LMO1: variants seen among roughly 807,000 people sequenced by gnomAD.
LMO1 encodes rhombotin-1.
A neutral mutation model predicts 18.0 loss-of-function variants in LMO1; 10 were observed. The observed-to-expected ratio is 0.55, with a 90% confidence interval of 0.34 to 0.94. The LOEUF (loss-of-function observed/expected upper bound fraction) is 0.94. Ranked by LOEUF, LMO1 falls within the 40% of genes least tolerant of loss-of-function variation. The probability of loss-of-function intolerance (pLI) is 0.02; values close to 1 mark genes in which losing one functional copy is unlikely to be tolerated. For missense variants in LMO1, 183 were observed against 205.7 expected (o/e 0.89, Z 0.68); for synonymous variants, 77 against 77.9 (o/e 0.99, Z 0.06).
chr11:8,268,417 G>T (rs1206798048), upstream of LMO1: 4 of 1,469,112 alleles, frequency 2.7e-6, no homozygotes, highest in Admixed American at 9.4e-5. Flanking sequence ...ACCGGGCGCC[G>T]GGCACCTACC....
At chr11:8,225,299 G>A (rs1341313009) in intron 3 of LMO1, among the ~76,000 whole-genome samples, 1 of 151,054 alleles carries the variant, frequency 6.6e-6, no homozygotes, top group African/African-American at 2.4e-5. Flanking sequence ...CCATCTACTC[G>A]GGAGGCTGAG....
At chr11:8,239,151 G>C (rs1952811109) in intron 1 of LMO1, among the ~76,000 whole-genome samples, 1 of 152,242 alleles carries the variant, frequency 6.6e-6, no homozygotes, top group Non-Finnish European at 1.5e-5. Context: ...TCAGAATCCA[G>C]AGTTCAAGTT....
chr11:8,229,599 C>T (rs1952615558), intron 2 of LMO1, among the ~76,000 whole-genome samples: 2 of 152,186 alleles, frequency 1.3e-5, no homozygotes, highest in Non-Finnish European at 2.9e-5. Flanking sequence ...GAGGTGGCCC[C>T]AGGGAATAGG....
At chr11:8,231,763 C>A (rs1023108455) in intron 1 of LMO1, among the ~76,000 whole-genome samples, 1 of 152,122 alleles carries the variant, frequency 6.6e-6, no homozygotes, top group African/African-American at 2.4e-5. Flanking sequence ...AGGGCTCTGG[C>A]CTTCCTCCCA....
chr11:8,236,668 G>A (rs1952766028), intron 1 of LMO1, among the ~76,000 whole-genome samples: 1 of 152,094 alleles, frequency 6.6e-6, no homozygotes, highest in Non-Finnish European at 1.5e-5. Context: ...CACATGCACA[G>A]CAGCACACAG....
intron 1 of LMO1, among the ~76,000 whole-genome samples, chr11:8,257,946 TC>T: frequency 6.6e-6 from 1 of 152,338 alleles, no homozygotes; most frequent in East Asian, 1.9e-4. Flanking sequence ...TTCTGGCTTA[TC>T]AAATGTGTAC....
chr11:8,224,565 G>T lies in LMO1; in HGVS notation c.*51C>A. On this transcript the variant is annotated 3_prime_UTR_variant, in exon 4 of 4. Coordinates refer to ENST00000335790, the MANE Select transcript of LMO1 (RefSeq NM_002315.3). The stretch of plus-strand genomic sequence containing the variant: ...AGTGGCTGGCTGGCCGGCCAGGCAG[G>T]TGGGCAGGCGGGCAGATGGACAGAC... 8.4e-7 allele frequency: 1 copy of T among 1,188,696 alleles called. No homozygotes were observed. Among genetic ancestry groups the T allele is most frequent in the Non-Finnish European group, 1.2e-6 (1 of 821,488 alleles). The allele number at this position is 1,188,696 out of a possible 1,614,324, so 73.6% of individuals were successfully genotyped here. A position where few individuals can be genotyped will look rare whatever the true frequency, so the allele number is the denominator to read the frequency against.
intron 1 of LMO1, among the ~76,000 whole-genome samples, chr11:8,247,306 C>T (rs972843327): frequency 6.6e-6 from 1 of 152,170 alleles, no homozygotes; most frequent in Non-Finnish European, 1.5e-5. Flanking sequence ...GCTGCCCTCT[C>T]CCAGGGCCTG....
chr11:8,226,067 C>T (rs989880187), intron 3 of LMO1, among the ~76,000 whole-genome samples: 1 of 152,190 alleles, frequency 6.6e-6, no homozygotes, highest in Non-Finnish European at 1.5e-5. Context: ...AGAGAGTGGC[C>T]ACTCCCTGAG....
intron 1 of LMO1, among the ~76,000 whole-genome samples, chr11:8,257,343 G>A (rs1239531816): frequency 2.6e-5 from 4 of 152,202 alleles, no homozygotes; most frequent in Non-Finnish European, 5.9e-5. Context: ...TGGGACACAT[G>A]CCATAGGAAC....
intron 1 of LMO1, among the ~76,000 whole-genome samples, chr11:8,244,695 T>C (rs1476488038): frequency 6.6e-6 from 1 of 152,202 alleles, no homozygotes; most frequent in Non-Finnish European, 1.5e-5. Context: ...TGAGCCCCCC[T>C]CTCAGGCATC....
upstream of LMO1, among the ~76,000 whole-genome samples, chr11:8,266,473 C>T (rs1301178250): frequency 2.0e-5 from 3 of 152,172 alleles, no homozygotes; most frequent in Non-Finnish European, 4.4e-5. Flanking sequence ...TAGTTTTCCC[C>T]CAACACATTC....
intron 2 of LMO1, among the ~76,000 whole-genome samples, chr11:8,229,120 T>C (rs1216971430): frequency 1.3e-5 from 2 of 151,950 alleles, no homozygotes; most frequent in Admixed American, 6.6e-5. Context: ...ACTCCTGAGC[T>C]GGAGTGACGT....
upstream of LMO1, among the ~76,000 whole-genome samples, chr11:8,265,715 C>T (rs1847254360): frequency 1.3e-5 from 2 of 152,170 alleles, no homozygotes; most frequent in African/African-American, 2.4e-5. Context: ...TGGTGCCAGC[C>T]CCTCACACCC....
chr11:8,248,727 G>C (rs1846937806), intron 1 of LMO1, among the ~76,000 whole-genome samples: 1 of 152,250 alleles, frequency 6.6e-6, no homozygotes, highest in Admixed American at 6.5e-5. Flanking sequence ...CCCAGAGTGG[G>C]AGGGCCAAGA....
chr11:8,266,644 G>A (rs539778617), upstream of LMO1, among the ~76,000 whole-genome samples: 2 of 152,332 alleles, frequency 1.3e-5, no homozygotes, highest in Non-Finnish European at 2.9e-5. Context: ...TATCTGGGCA[G>A]GTCCCAGCAA....
At chr11:8,224,806 A>G (rs977185512) in intron 3 of LMO1, 85 bp from the exon 4 acceptor site, 6 of 853,938 alleles carry the variant, frequency 7.0e-6, no homozygotes, top group Non-Finnish European at 1.1e-5. Context: ...GGCCTGGCCT[A>G]TGAGGTGAGC....
chr11:8,232,506 C>A (rs1444573100), intron 1 of LMO1, among the ~76,000 whole-genome samples: 2 of 152,168 alleles, frequency 1.3e-5, no homozygotes, highest in South Asian at 2.1e-4. Flanking sequence ...CAGAGTGGGA[C>A]CTGGACCAGG....
At chr11:8,240,185 C>T (rs1425786617) in intron 1 of LMO1, among the ~76,000 whole-genome samples, 1 of 152,172 alleles carries the variant, frequency 6.6e-6, no homozygotes, top group Non-Finnish European at 1.5e-5. Context: ...TATAAAAGAC[C>T]CCTTGTCAGG....
Sources: gnomAD v4.1 joint callset for allele counts (sites outside exome capture counted in the v4.1 genomes callset) on GRCh38, gnomAD v4.1.1 for gene constraint, MANE v1.5 for transcripts, NCBI Gene and HGNC (gene_info 2026-07-23, HGNC 2026-07-21) for gene names.